Variants in PCDHGB3 observed in about 807,000 individuals in gnomAD.
PCDHGB3 encodes the protein protocadherin gamma subfamily B, 3.
PCDHGB3 carries 40 observed loss-of-function variants against 59.2 expected under a neutral mutation model. That is an observed-to-expected ratio of 0.68 (90% CI 0.52 to 0.88). PCDHGB3 has a LOEUF of 0.88. Among genes scored for constraint, PCDHGB3 ranks in the 40% least tolerant of loss-of-function variants. The pLI, the probability that PCDHGB3 is intolerant of heterozygous loss-of-function variation, is 0.00. For missense variants in PCDHGB3, 1,309 were observed against 1,187.9 expected (o/e 1.10, Z -1.50); for synonymous variants, 581 against 503.6 (o/e 1.15, Z -2.06).
intron 1 of PCDHGB3, chr5:141,409,960 C>G: frequency 6.2e-7 from 1 of 1,613,416 alleles, no homozygotes; most frequent in Non-Finnish European, 8.5e-7. Flanking sequence ...AGCCCGGCTA[C>G]CTAGTGACTA....
chr5:141,371,910 T>C lies in PCDHGB3; in HGVS notation c.1516T>C (p.Ser506Pro). The C allele has an allele frequency of 6.2e-7, 1 of 1,613,364 alleles. No individual in the cohort carries two copies. The highest frequency in any genetic ancestry group is 1.1e-5 in the South Asian group (1 of 91,088). Reference protein sequence around the residue: ...LEPRELSSYVSVSARSGVVFA... With the variant: ...LEPRELSSYVPVSARSGVVFA... ...GCCGCGGGAGCTGTCGTCCTACGTG[T>C]CCGTGAGCGCGCGGAGCGGGGTGGT... is the stretch of plus-strand genomic sequence containing the variant. Residue 506 changes from serine (S) to proline (P), a missense_variant, in exon 1 of 4, where the codon TCC (serine) becomes CCC (proline). Ser to Pro is a moderately conservative substitution (Grantham distance 74). Coordinates refer to ENST00000576222, the MANE Select transcript of PCDHGB3 (RefSeq NM_018924.5).
At chr5:141,469,792 A>G (rs989190786) in intron 1 of PCDHGB3, among the ~76,000 whole-genome samples, 1 of 152,194 alleles carries the variant, frequency 6.6e-6, no homozygotes, top group African/African-American at 2.4e-5. Flanking sequence ...GTTATTTGTA[A>G]TTGCAAAAAC....
chr5:141,414,965 C>T lies in PCDHGB3; in HGVS notation c.2415+42156C>T, dbSNP rs564450666. On this transcript the variant is annotated intron_variant, in intron 1 of 3. Coordinates refer to ENST00000576222, the MANE Select transcript of PCDHGB3 (RefSeq NM_018924.5). ...GGCTACCTGGTGACCAAGGTGGTGG[C>T]GGTGGACAGAGACTCCGGCCAGAAC... The T allele has an allele frequency of 7.9e-5, 127 of 1,613,962 alleles. No homozygotes were observed. The highest frequency in any genetic ancestry group is 7.7e-5 in the Non-Finnish European group (91 of 1,180,046).
chr5:141,442,232 T>A (rs1303447766), intron 1 of PCDHGB3: 2 of 153,276 alleles, frequency 1.3e-5, no homozygotes, highest in Non-Finnish European at 2.9e-5. Context: ...TTCCTTTTTA[T>A]TCTTCCTGAT....
At chr5:141,488,157 C>T (rs565677003) in intron 1 of PCDHGB3, among the ~76,000 whole-genome samples, 2 of 152,216 alleles carry the variant, frequency 1.3e-5, no homozygotes, top group South Asian at 2.1e-4. Context: ...TAGAGAGGCA[C>T]GCATCAGAGT....
intron 1 of PCDHGB3, among the ~76,000 whole-genome samples, chr5:141,436,410 G>T (rs2154557099): frequency 6.6e-6 from 1 of 152,200 alleles, no homozygotes; most frequent in East Asian, 1.9e-4. Flanking sequence ...TTGAATGAAT[G>T]GATAAACAAA....
At position 141,410,538 on chromosome 5, in the gene PCDHGB3, T is replaced by C. The variant is rs373020361; in HGVS notation, c.2415+37729T>C. The C allele has an allele frequency of 5.6e-6, 9 of 1,613,830 alleles. No homozygotes were observed. The South Asian group carries it at 7.7e-5, about 14-fold the overall frequency. On this transcript the variant is annotated intron_variant, in intron 1 of 3. Transcript: ENST00000576222. ...GTGCCCCTACATTCCAATGAAGACA[T>C]GGTTTGCAGTGTTTCTCCTGGAGCC...
intron 1 of PCDHGB3, chr5:141,394,415 C>G: frequency 6.2e-7 from 1 of 1,614,242 alleles, no homozygotes; most frequent in Non-Finnish European, 8.5e-7. Flanking sequence ...TGGTAACAGC[C>G]AGCGACAGCG....
At chr5:141,421,081 A>G (rs775366249) in intron 1 of PCDHGB3, 61 of 637,820 alleles carry the variant, frequency 9.6e-5, no homozygotes, top group Non-Finnish European at 1.4e-4. Flanking sequence ...ATGGATACTC[A>G]CAGATCCTGA....
intron 1 of PCDHGB3, 84 bp from the exon 2 acceptor site, chr5:141,494,723 C>T: frequency 1.9e-6 from 3 of 1,606,114 alleles, no homozygotes; most frequent in Non-Finnish European, 2.6e-6. Flanking sequence ...TCCCCTCCTT[C>T]TCTCCCGGCC....
chr5:141,486,894 C>T lies in PCDHGB3; in HGVS notation c.2416-7913C>T. 1 of 1,614,228 alleles carries T rather than the reference C, an allele frequency of 6.2e-7. No homozygotes were observed. Among genetic ancestry groups the T allele is most frequent in the Non-Finnish European group, 8.5e-7 (1 of 1,180,052 alleles). On this transcript the variant is annotated intron_variant, in intron 1 of 3. Transcript: ENST00000576222. The surrounding 1 kb of genome is among the most constrained non-coding windows in gnomAD (Gnocchi z 5.0). ...CTCCGTCCTCGGGCCCGGCCTGGTT[C>T]CTTATGTCCCCAAGCACTGCCTCCA...
chr5:141,490,981 C>T lies in PCDHGB3; in HGVS notation c.2416-3826C>T. 19 of 1,614,096 alleles carry T rather than the reference C, an allele frequency of 1.2e-5. No homozygotes were observed. The highest frequency in any genetic ancestry group is 1.5e-5 in the Non-Finnish European group (18 of 1,180,018). Reference sequence around the variant, plus strand: ...ACACTCAGCCCCCCAGCGTCTCCCTCGCTCTGCTCCTCCTGGCTCCTTGGT... The same window carrying T: ...ACACTCAGCCCCCCAGCGTCTCCCTTGCTCTGCTCCTCCTGGCTCCTTGGT... On this transcript the variant is annotated intron_variant, in intron 1 of 3. Transcript: ENST00000576222. The surrounding 1 kb of genome is among the most constrained non-coding windows in gnomAD (Gnocchi z 5.4).
chr5:141,408,112 C>T, intron 1 of PCDHGB3: 1 of 1,460,448 alleles, frequency 6.8e-7, no homozygotes, highest in African/African-American at 1.4e-5. Flanking sequence ...CCCGGGACTC[C>T]TCCTGTCCTG....
intron 1 of PCDHGB3, chr5:141,408,288 T>C (rs755091342): frequency 6.2e-7 from 1 of 1,613,234 alleles, no homozygotes; most frequent in Non-Finnish European, 8.5e-7. Context: ...TACCCCACCC[T>C]GAGTGAGCCG....
intron 1 of PCDHGB3, chr5:141,388,825 C>G: frequency 6.2e-7 from 1 of 1,613,910 alleles, no homozygotes; most frequent in Non-Finnish European, 8.5e-7. Flanking sequence ...AAAGAATATT[C>G]CATAGTTTTG....
At chr5:141,422,153 AT>A (rs750082013) in intron 1 of PCDHGB3, 4 of 1,575,250 alleles carry the variant, frequency 2.5e-6, no homozygotes, top group Non-Finnish European at 3.4e-6. Context: ...GGGTCTCTGG[AT>A]TTTGAAAAAT....
In PCDHGB3 at chr5:141,408,231, G is replaced by A. The variant is rs775180708; in HGVS notation, c.2415+35422G>A. On this transcript the variant is annotated intron_variant, in intron 1 of 3. Coordinates refer to ENST00000576222, the MANE Select transcript of PCDHGB3 (RefSeq NM_018924.5). ...GGAGGGAGCTGCGCGCAGAGGCGCC[G>A]GGCCGGCCCGCGGCAGGTGCTATTT... 5 of 1,567,976 alleles carry A rather than the reference G, an allele frequency of 3.2e-6. No individual in the cohort carries two copies. In the African/African-American group the frequency reaches 5.4e-5, roughly 17 times the overall value.
chr5:141,402,973 C>G (rs779898665), intron 1 of PCDHGB3: 1 of 1,607,926 alleles, frequency 6.2e-7, no homozygotes. Context: ...CAACCAAATG[C>G]CAGCTCCGCG....
intron 1 of PCDHGB3, chr5:141,415,943 T>A: frequency 1.8e-6 from 1 of 552,806 alleles, no homozygotes; most frequent in Non-Finnish European, 2.7e-6. Flanking sequence ...TCCTCCTGGG[T>A]GGTCACATAT....
Sources: allele counts gnomAD v4.1 joint callset (sites outside exome capture counted in the v4.1 genomes callset), GRCh38; gene constraint gnomAD v4.1.1; non-coding constraint Gnocchi (gnomAD v3.1); transcripts MANE v1.5; gene names NCBI Gene and HGNC (gene_info 2026-07-23, HGNC 2026-07-21).